SIPA1L2: variants seen among roughly 807,000 people sequenced by gnomAD.
The protein encoded by SIPA1L2 is signal-induced proliferation-associated 1-like protein 2.
In SIPA1L2, 56 loss-of-function variants were observed where a neutral mutation model predicts 163.9. The ratio of observed to expected loss-of-function variants is 0.34; its 90% CI spans 0.28 to 0.43. The LOEUF (loss-of-function observed/expected upper bound fraction) is 0.43. Ranked by LOEUF, SIPA1L2 falls within the 20% of genes least tolerant of loss-of-function variation. The pLI is 1.00. For synonymous variants in SIPA1L2, 877 were observed against 865.7 expected (o/e 1.01, Z -0.23); for missense variants, 1,974 against 2,193.5 (o/e 0.90, Z 2.00).
chr1:232,538,173 G>C (rs1657425168), intron 2 of SIPA1L2, among the ~76,000 whole-genome samples: 1 of 152,166 alleles, frequency 6.6e-6, no homozygotes, highest in Non-Finnish European at 1.5e-5. Context: ...GCACAGGTGG[G>C]ATCACGGTCA....
chr1:232,420,581 A>C (rs1396992943), intron 18 of SIPA1L2, among the ~76,000 whole-genome samples: 1 of 152,178 alleles, frequency 6.6e-6, no homozygotes. Flanking sequence ...CATGCCTGTA[A>C]TCCCAGCACT....
chr1:232,559,656 C>T (rs1417524629), intron 2 of SIPA1L2, among the ~76,000 whole-genome samples: 1 of 152,072 alleles, frequency 6.6e-6, no homozygotes, highest in African/African-American at 2.4e-5. Context: ...GAAGAAAATT[C>T]TCCAAAATTT....
chr1:232,619,914 CT>C (rs1311330021), intron 1 of SIPA1L2, among the ~76,000 whole-genome samples: 1 of 152,018 alleles, frequency 6.6e-6, no homozygotes, highest in Non-Finnish European at 1.5e-5. Context: ...AAGATGGAGT[CT>C]TGCTCTCTCA....
chr1:232,614,604 G>A (rs1009753288), intron 1 of SIPA1L2, among the ~76,000 whole-genome samples: 6 of 152,244 alleles, frequency 3.9e-5, no homozygotes, highest in South Asian at 2.1e-4. Flanking sequence ...CTTATTGCTC[G>A]GGAGGTTCCC....
rs1660147193 is a variant in SIPA1L2 at position 232,398,454 on chromosome 1, TG to T, written c.*672del. 6.6e-6 allele frequency: 1 copy of T among 152,632 alleles called. No individual in the cohort carries two copies. Among genetic ancestry groups the T allele is most frequent in the Admixed American group, 6.5e-5 (1 of 15,288 alleles). The allele number at this position is 152,632 out of a possible 1,614,324, so 9.5% of individuals were successfully genotyped here. ...TTACAAGGCATATGTATCTTTTTTT[TG>T]TTTTTAATCAGAACACTGTTAATAT... On this transcript the variant is annotated 3_prime_UTR_variant, in exon 23 of 23. Transcript: ENST00000674635.
intron 7 of SIPA1L2, among the ~76,000 whole-genome samples, chr1:232,475,982 T>C (rs1342231180): frequency 3.9e-5 from 6 of 152,212 alleles, no homozygotes; most frequent in Non-Finnish European, 7.3e-5. Context: ...AAGCTACTCA[T>C]GGAAAGCTAA....
At position 232,615,262 on chromosome 1, in the gene SIPA1L2, C is replaced by T. The variant is rs371683620; in HGVS notation, c.-319+14607G>A. 2.6e-5 allele frequency among the ~76,000 whole-genome samples: 4 copies of T among 152,322 alleles called. 1 individual carries two copies. Among genetic ancestry groups the T allele is most frequent in the African/African-American group, 9.6e-5 (4 of 41,574 alleles). ...ACACAGGCTCGGAATCTACTCCACA[C>T]GGTCTCCAAAGTGGCCACTAAAATC... On this transcript the variant is annotated intron_variant, in intron 1 of 22. Coordinates refer to ENST00000674635, the MANE Select transcript of SIPA1L2 (RefSeq NM_020808.5).
At chr1:232,607,246 T>C (rs1661971524) in intron 1 of SIPA1L2, among the ~76,000 whole-genome samples, 1 of 152,208 alleles carries the variant, frequency 6.6e-6, no homozygotes, top group African/African-American at 2.4e-5. Flanking sequence ...GTTCCATTAA[T>C]GCATATGCAT....
chr1:232,501,878 G>A (rs1411177487), intron 3 of SIPA1L2, among the ~76,000 whole-genome samples: 1 of 152,200 alleles, frequency 6.6e-6, no homozygotes, highest in Non-Finnish European at 1.5e-5. Flanking sequence ...TCTACTAGGA[G>A]TGGTCTTGCT....
At chr1:232,519,402 G>C (rs1263326477) in intron 2 of SIPA1L2, among the ~76,000 whole-genome samples, 1 of 152,136 alleles carries the variant, frequency 6.6e-6, no homozygotes, top group East Asian at 1.9e-4. Context: ...CAGCTTCCTG[G>C]GGCTCTGGAT....
chr1:232,565,679 A>G (rs947734240), intron 2 of SIPA1L2, among the ~76,000 whole-genome samples: 1 of 152,250 alleles, frequency 6.6e-6, no homozygotes, highest in Non-Finnish European at 1.5e-5. Context: ...ATCAATACAG[A>G]AAATTATCAC....
chr1:232,433,632 G>A (rs1459009302), intron 15 of SIPA1L2, among the ~76,000 whole-genome samples: 1 of 152,168 alleles, frequency 6.6e-6, no homozygotes, highest in African/African-American at 2.4e-5. Context: ...CCCACCCCCG[G>A]CTGACTGAGA....
intron 9 of SIPA1L2, among the ~76,000 whole-genome samples, chr1:232,464,511 T>C (rs1664406234): frequency 6.6e-6 from 1 of 152,198 alleles, no homozygotes; most frequent in Non-Finnish European, 1.5e-5. Context: ...ACTGGGAAGG[T>C]ATGTTATGTC....
In SIPA1L2 at chr1:232,415,506, G is replaced by A. The variant is rs1017207103; in HGVS notation, c.4750C>T (p.Arg1584Trp). 1.1e-5 allele frequency: 18 copies of A among 1,611,260 alleles called. No individual in the cohort carries two copies. The highest frequency in any genetic ancestry group is 2.2e-5 in the South Asian group (2 of 90,512). Residue 1584 changes from arginine (R) to tryptophan (W), a missense_variant, in exon 19 of 23, where the codon CGG (arginine) becomes TGG (tryptophan). This residue lies in a region of SIPA1L2 where 1,079 missense variants were observed against 1,150.7 expected (regional missense o/e 0.94). Coordinates refer to ENST00000674635, the MANE Select transcript of SIPA1L2 (RefSeq NM_020808.5). ...LDWTHLVDAA[R>W]AFEGLDSDEE... The stretch of plus-strand genomic sequence containing the variant: ...GGTGAGTCTTTACCTTCAAATGCCC[G>A]TGCAGCATCCACGAGGTGGGTCCAA...
chr1:232,469,699 A>G (rs925257546), intron 8 of SIPA1L2, among the ~76,000 whole-genome samples: 4 of 152,166 alleles, frequency 2.6e-5, no homozygotes, highest in African/African-American at 9.6e-5. Context: ...CACAGAAAAA[A>G]TAAGGCAATG....
intron 1 of SIPA1L2, among the ~76,000 whole-genome samples, chr1:232,620,336 C>T (rs1041824310): frequency 2.6e-5 from 4 of 152,160 alleles, no homozygotes; most frequent in African/African-American, 7.2e-5. Flanking sequence ...GTAGGTGTCT[C>T]GATGTACACT....
At chr1:232,496,823 A>C (rs2103007869) in intron 3 of SIPA1L2, among the ~76,000 whole-genome samples, 1 of 152,364 alleles carries the variant, frequency 6.6e-6, no homozygotes. Context: ...AAATGCATTA[A>C]GAAAAATATT....
At chr1:232,601,379 C>T (rs565737061) in intron 1 of SIPA1L2, among the ~76,000 whole-genome samples, 9 of 152,296 alleles carry the variant, frequency 5.9e-5, no homozygotes, top group East Asian at 3.9e-4. Context: ...TGAAAACAGA[C>T]GGGCATTCCT....
At chr1:232,618,686 A>G (rs377134046) in intron 1 of SIPA1L2, among the ~76,000 whole-genome samples, 2 of 151,884 alleles carry the variant, frequency 1.3e-5, no homozygotes, top group South Asian at 4.1e-4. Context: ...GTTACTCCGC[A>G]TAATTTTAAA....
Sources: allele counts gnomAD v4.1 joint callset (sites outside exome capture counted in the v4.1 genomes callset), GRCh38; gene constraint gnomAD v4.1.1; regional missense constraint gnomAD v4.1.1; transcripts MANE v1.5; gene names NCBI Gene and HGNC (gene_info 2026-07-23, HGNC 2026-07-21).